TBC1D8: variants seen among roughly 807,000 people sequenced by gnomAD.
TBC1D8 encodes BUB2-like protein 1.
In TBC1D8, 65 loss-of-function variants were observed where a neutral mutation model predicts 118.8. The observed-to-expected ratio is 0.55, with a 90% CI of 0.45 to 0.67. TBC1D8 has a LOEUF of 0.67. TBC1D8 is among the 30% of genes least tolerant of loss of function. The probability of loss-of-function intolerance (pLI) is 0.00; values close to 1 mark genes in which losing one functional copy is unlikely to be tolerated. For missense variants in TBC1D8, 1,376 were observed against 1,471.2 expected (o/e 0.94, Z 1.06); for synonymous variants, 566 against 595.8 (o/e 0.95, Z 0.73).
chr2:101,110,030 C>T (rs1375752496), intron 1 of TBC1D8: 5 of 984,770 alleles, frequency 5.1e-6, no homozygotes, highest in African/African-American at 1.7e-5. Flanking sequence ...TCTCAGCGAG[C>T]ACAACACTCC....
intron 12 of TBC1D8, chr2:101,028,645 T>A: frequency 1.9e-6 from 1 of 536,902 alleles, no homozygotes; most frequent in Non-Finnish European, 3.1e-6. Context: ...TTTCCAGGCC[T>A]GAAACTCTCC....
chr2:101,105,119 C>T (rs757102699), intron 1 of TBC1D8, among the ~76,000 whole-genome samples: 1 of 151,564 alleles, frequency 6.6e-6, no homozygotes, highest in Non-Finnish European at 1.5e-5. Context: ...ACACCAGAAG[C>T]ATGATCCATG....
chr2:101,088,071 C>T (rs935472626), intron 2 of TBC1D8, among the ~76,000 whole-genome samples: 1 of 152,102 alleles, frequency 6.6e-6, no homozygotes, highest in African/African-American at 2.4e-5. Context: ...AAGTGTAATA[C>T]TTTTGTTATA....
At chr2:101,076,976 G>A (rs1573989518) in intron 2 of TBC1D8, among the ~76,000 whole-genome samples, 1 of 152,146 alleles carries the variant, frequency 6.6e-6, no homozygotes, top group Admixed American at 6.5e-5. Flanking sequence ...CATTTCACAT[G>A]GTGGGAGCAG....
chr2:101,012,293 AC>A (rs1679276806), intron 17 of TBC1D8, among the ~76,000 whole-genome samples: 1 of 152,256 alleles, frequency 6.6e-6, no homozygotes, highest in African/African-American at 2.4e-5. Context: ...AGCCAAAAAA[AC>A]ACCCAAATGT....
intron 2 of TBC1D8, among the ~76,000 whole-genome samples, chr2:101,080,595 C>A (rs139666703): frequency 2.0e-5 from 3 of 152,310 alleles, no homozygotes; most frequent in African/African-American, 7.2e-5. Context: ...AGGGATAGCA[C>A]CTGACACACC....
intron 2 of TBC1D8, among the ~76,000 whole-genome samples, chr2:101,062,422 C>T (rs551432289): frequency 6.6e-6 from 1 of 152,152 alleles, no homozygotes; most frequent in South Asian, 2.1e-4. Context: ...CTAAGAGTTG[C>T]AGGAACGAAG....
rs979365033 is a variant in TBC1D8 at position 101,037,579 on chromosome 2, C to A, written c.1405G>T (p.Val469Phe). The A allele has an allele frequency of 1.1e-5, 17 of 1,613,108 alleles. No homozygotes were observed. Among genetic ancestry groups the A allele is most frequent in the Non-Finnish European group, 4.2e-6 (5 of 1,179,900 alleles). Residue 469 changes from valine (V) to phenylalanine (F), a missense_variant, in exon 8 of 20, where the codon GTC becomes TTC. Val to Phe is a conservative substitution (Grantham distance 50, BLOSUM62 -1). Transcript: ENST00000409318. The stretch of plus-strand genomic sequence containing the variant: ...CTGCCTGACTGCTGGAAGGCGGTGA[C>A]CAGGGCATCGGGGTGCATCAGCGGG... ...KSPLMHPDAL[V>F]TAFQQSGSQS...
At chr2:101,108,238 T>C (rs973460640) in intron 1 of TBC1D8, among the ~76,000 whole-genome samples, 3 of 152,120 alleles carry the variant, frequency 2.0e-5, no homozygotes, top group Admixed American at 1.3e-4. Flanking sequence ...CGACATTCTA[T>C]AAAATACAGG....
At chr2:101,142,265 G>T (rs1679137257) in intron 1 of TBC1D8, among the ~76,000 whole-genome samples, 1 of 152,168 alleles carries the variant, frequency 6.6e-6, no homozygotes, top group Admixed American at 6.5e-5. Context: ...CAGTATTAGG[G>T]CTGTTCACAA....
At chr2:101,024,769 G>A (rs1405958489) in intron 15 of TBC1D8, among the ~76,000 whole-genome samples, 1 of 151,974 alleles carries the variant, frequency 6.6e-6, no homozygotes, top group African/African-American at 2.4e-5. Context: ...GAATATATAC[G>A]TCACCCATGA....
At chr2:101,075,964 G>A (rs1031423878) in intron 2 of TBC1D8, among the ~76,000 whole-genome samples, 2 of 152,262 alleles carry the variant, frequency 1.3e-5, no homozygotes, top group African/African-American at 4.8e-5. Context: ...AATGCTAAGA[G>A]CAGGGATTCT....
At chr2:101,118,853 T>C (rs933609545) in intron 1 of TBC1D8, among the ~76,000 whole-genome samples, 3 of 151,500 alleles carry the variant, frequency 2.0e-5, no homozygotes, top group Non-Finnish European at 4.4e-5. Flanking sequence ...ACGAAGAAAA[T>C]ACAAAAATTA....
chr2:101,051,882 A>T (rs991491733), intron 4 of TBC1D8, among the ~76,000 whole-genome samples: 7 of 152,270 alleles, frequency 4.6e-5, no homozygotes, highest in African/African-American at 1.7e-4. Context: ...AAACCAGAGC[A>T]GGAAAGAAGA....
intron 6 of TBC1D8, among the ~76,000 whole-genome samples, chr2:101,039,466 A>C (rs1681243108): frequency 6.6e-6 from 1 of 152,166 alleles, no homozygotes; most frequent in Non-Finnish European, 1.5e-5. Context: ...AAAGAAGAAA[A>C]AAATAAGAGT....
rs1679862081 is a variant in TBC1D8 at position 101,019,031 on chromosome 2, GC to G, written c.2827+2649del. 3.1e-6 allele frequency: 5 copies of G among 1,611,956 alleles called. No individual in the cohort carries two copies. The East Asian group carries it at 1.1e-4, about 36-fold the overall frequency. On this transcript the variant is annotated intron_variant, in intron 17 of 19. Coordinates refer to ENST00000409318, the MANE Select transcript of TBC1D8 (RefSeq NM_001330348.2). The stretch of plus-strand genomic sequence containing the variant: ...CTAAACAGTGTTACAGTCGCCAAGA[GC>G]CCATAAAGGGAGCCCTCCTGGAAGT...
At chr2:101,096,419 CAA>C (rs55824667) in intron 1 of TBC1D8, among the ~76,000 whole-genome samples, 177 of 43,696 alleles carry the variant, frequency 4.1e-3, no homozygotes, top group African/African-American at 0.01. Context: ...TGGCTTTTGA[CAA>C]AAAAAAAAAA....
intron 1 of TBC1D8, among the ~76,000 whole-genome samples, chr2:101,093,634 G>A (rs1676194413): frequency 6.6e-6 from 1 of 151,870 alleles, no homozygotes; most frequent in African/African-American, 2.4e-5. Flanking sequence ...AGAATCACTT[G>A]AACCCAGGTG....
intron 1 of TBC1D8, among the ~76,000 whole-genome samples, chr2:101,127,337 G>GA (rs529661320): frequency 0.035 from 4,338 of 122,402 alleles, 74 homozygotes; most frequent in Middle Eastern, 0.06. Flanking sequence ...CTTCATCTCA[G>GA]AAAAAAAAAA....
Sources: allele counts gnomAD v4.1 joint callset (sites outside exome capture counted in the v4.1 genomes callset), GRCh38; gene constraint gnomAD v4.1.1; transcripts MANE v1.5; gene names NCBI Gene and HGNC (gene_info 2026-07-23, HGNC 2026-07-21).